MAF: variants seen among roughly 807,000 people sequenced by gnomAD.
MAF encodes the protein MAF bZIP transcription factor.
In MAF, 10 loss-of-function variants were observed where a neutral mutation model predicts 22.0. The observed-to-expected ratio is 0.45, with a 90% CI of 0.28 to 0.77. The LOEUF (loss-of-function observed/expected upper bound fraction) is 0.77, where lower values mean the gene tolerates loss of function less well. Among genes scored for constraint, MAF ranks in the 30% least tolerant of loss-of-function variants. MAF has a pLI of 0.12. For synonymous variants in MAF, 337 were observed against 255.8 expected (o/e 1.32, Z -3.03); for missense variants, 544 against 548.4 (o/e 0.99, Z 0.08).
At chr16:79,389,009 G>A in the MAF span, among the ~76,000 whole-genome samples, 3 of 152,170 alleles carry the variant, frequency 2.0e-5, no homozygotes, top group South Asian at 2.1e-4. Context: ...TCCAGGGCAC[G>A]AAATATGAAA....
At chr16:79,390,998 C>T in the MAF span, among the ~76,000 whole-genome samples, 2 of 152,138 alleles carry the variant, frequency 1.3e-5, no homozygotes, top group Non-Finnish European at 2.9e-5. Context: ...TGCATTGTCT[C>T]GATGATGGCT....
At chr16:79,287,814 C>T in the MAF span, among the ~76,000 whole-genome samples, 1 of 152,144 alleles carries the variant, frequency 6.6e-6, no homozygotes, top group Non-Finnish European at 1.5e-5. Flanking sequence ...CTCACTCATT[C>T]ATTTATTCAT....
chr16:79,349,971 CTGGT>C, the MAF span, among the ~76,000 whole-genome samples: 1 of 152,198 alleles, frequency 6.6e-6, no homozygotes, highest in Non-Finnish European at 1.5e-5. Flanking sequence ...CCTTTGCACT[CTGGT>C]TGGCTTTCCT....
At chr16:79,305,189 C>T in the MAF span, among the ~76,000 whole-genome samples, 8 of 152,254 alleles carry the variant, frequency 5.3e-5, no homozygotes, top group Non-Finnish European at 7.4e-5. Context: ...GAGAGTCATC[C>T]GGGGCAGGTG....
the MAF span, among the ~76,000 whole-genome samples, chr16:79,520,557 T>G: frequency 5.3e-5 from 8 of 152,178 alleles, no homozygotes; most frequent in East Asian, 1.3e-3. Flanking sequence ...TAAATAAATA[T>G]GGCTTCTCTT....
chr16:79,594,825 C>T, intron 1 of MAF: 1 of 1,249,986 alleles, frequency 8.0e-7, no homozygotes, highest in Non-Finnish European at 1.0e-6. Context: ...CAGCCAGCCA[C>T]TCAAACCTCA....
At chr16:79,274,069 C>T in the MAF span, among the ~76,000 whole-genome samples, 2 of 151,366 alleles carry the variant, frequency 1.3e-5, no homozygotes, top group Non-Finnish European at 2.9e-5. Context: ...ATTCTCCTGC[C>T]TCAGCCTCCC....
the MAF span, among the ~76,000 whole-genome samples, chr16:79,530,116 A>C: frequency 5.9e-5 from 9 of 152,368 alleles, no homozygotes; most frequent in African/African-American, 1.9e-4. Context: ...CAAGTGAATT[A>C]GTATTACTAC....
the MAF span, among the ~76,000 whole-genome samples, chr16:79,374,768 CTCTT>C: frequency 6.6e-6 from 1 of 152,196 alleles, no homozygotes; most frequent in African/African-American, 2.4e-5. Flanking sequence ...TTTATTTTCT[CTCTT>C]TCTTCATCTT....
At chr16:79,394,060 A>C in the MAF span, among the ~76,000 whole-genome samples, 1 of 152,272 alleles carries the variant, frequency 6.6e-6, no homozygotes, top group African/African-American at 2.4e-5. Context: ...CACCACGTGC[A>C]TGTTCTTCTA....
chr16:79,556,767 A>T, the MAF span, among the ~76,000 whole-genome samples: 1 of 152,206 alleles, frequency 6.6e-6, no homozygotes, highest in East Asian at 1.9e-4. Context: ...TGCCATGGGT[A>T]AGTTAGGTAA....
the MAF span, among the ~76,000 whole-genome samples, chr16:79,253,446 C>T: frequency 6.6e-6 from 1 of 152,182 alleles, no homozygotes; most frequent in South Asian, 2.1e-4. Flanking sequence ...CTAGGTTCCC[C>T]ATTTGAGCAG....
chr16:79,291,882 C>A, the MAF span, among the ~76,000 whole-genome samples: 1 of 150,380 alleles, frequency 6.6e-6, no homozygotes, highest in East Asian at 2.0e-4. Context: ...GCTCACCTTG[C>A]ATAGAGAATT....
the MAF span, among the ~76,000 whole-genome samples, chr16:79,490,852 C>G: frequency 6.6e-6 from 1 of 152,084 alleles, no homozygotes; most frequent in East Asian, 1.9e-4. Flanking sequence ...TGTCATGTTC[C>G]CCAGAAATGG....
the MAF span, among the ~76,000 whole-genome samples, chr16:79,447,349 G>A: frequency 1.4e-4 from 20 of 145,484 alleles, no homozygotes; most frequent in Non-Finnish European, 2.1e-4. Context: ...AAAAAAAAAA[G>A]ATTCCTTTCA....
the MAF span, among the ~76,000 whole-genome samples, chr16:79,577,833 T>C: frequency 6.6e-6 from 1 of 152,186 alleles, no homozygotes; most frequent in East Asian, 1.9e-4. Context: ...ATGTTCTGAA[T>C]CTTGACTGTG....
chr16:79,441,389 G>A, the MAF span, among the ~76,000 whole-genome samples: 1 of 152,192 alleles, frequency 6.6e-6, no homozygotes, highest in Non-Finnish European at 1.5e-5. Context: ...TTTCTATAAA[G>A]GCTCAGATAA....
chr16:79,369,022 T>G, the MAF span, among the ~76,000 whole-genome samples: 1 of 152,228 alleles, frequency 6.6e-6, no homozygotes, highest in Non-Finnish European at 1.5e-5. Flanking sequence ...TCCGCTTTGT[T>G]CTTTGGTGGG....
the MAF span, among the ~76,000 whole-genome samples, chr16:79,370,928 G>A: frequency 6.6e-6 from 1 of 152,112 alleles, no homozygotes; most frequent in Non-Finnish European, 1.5e-5. Context: ...TGTTCTGGGT[G>A]TTGTTGCTAT....
Sources: allele counts gnomAD v4.1 joint callset (sites outside exome capture counted in the v4.1 genomes callset), GRCh38; gene constraint gnomAD v4.1.1; transcripts MANE v1.5; gene names NCBI Gene and HGNC (gene_info 2026-07-23, HGNC 2026-07-21).